MACROD2: variants seen among roughly 807,000 people sequenced by gnomAD.
The protein encoded by MACROD2 is ADP-ribose glycohydrolase MACROD2.
MACROD2 carries 36 observed loss-of-function variants against 70.4 expected under a neutral mutation model. The observed-to-expected ratio is 0.51, with a 90% CI of 0.39 to 0.68. The LOEUF (loss-of-function observed/expected upper bound fraction) is 0.68. Among genes scored for constraint, MACROD2 ranks in the 30% least tolerant of loss-of-function variants. MACROD2 has a pLI of 0.00. For missense variants in MACROD2, 496 were observed against 538.4 expected (o/e 0.92, Z 0.78); for synonymous variants, 172 against 178.8 (o/e 0.96, Z 0.30).
chr20:15,402,605 G>A (rs974477329), intron 6 of MACROD2, among the ~76,000 whole-genome samples: 5 of 152,148 alleles, frequency 3.3e-5, no homozygotes, highest in Non-Finnish European at 5.9e-5. Flanking sequence ...TATGTGAGCC[G>A]CCATGAGAAA....
intron 10 of MACROD2, among the ~76,000 whole-genome samples, chr20:15,929,248 G>C (rs1456905887): frequency 6.6e-6 from 1 of 152,076 alleles, no homozygotes; most frequent in Non-Finnish European, 1.5e-5. Flanking sequence ...AGAGCTACAG[G>C]GGCATCTTCT....
intron 5 of MACROD2, among the ~76,000 whole-genome samples, chr20:15,216,543 A>T (rs1601242358): frequency 6.6e-6 from 1 of 152,328 alleles, no homozygotes; most frequent in Admixed American, 6.5e-5. Context: ...ATTTTTAAAA[A>T]TTAGAAATTG....
At chr20:15,735,506 G>A (rs920662682) in intron 8 of MACROD2, among the ~76,000 whole-genome samples, 1 of 152,140 alleles carries the variant, frequency 6.6e-6, no homozygotes, top group Admixed American at 6.5e-5. Flanking sequence ...ACCTTCATGA[G>A]AAATCAGAAG....
At chr20:15,042,382 C>T (rs2075362955) in intron 5 of MACROD2, among the ~76,000 whole-genome samples, 1 of 152,200 alleles carries the variant, frequency 6.6e-6, no homozygotes, top group Non-Finnish European at 1.5e-5. Flanking sequence ...ATGTTCTCAT[C>T]TGTGTAATGC....
At chr20:14,503,528 A>G (rs2084936672) in intron 4 of MACROD2, among the ~76,000 whole-genome samples, 1 of 152,206 alleles carries the variant, frequency 6.6e-6, no homozygotes, top group African/African-American at 2.4e-5. Context: ...AGCTATGAAC[A>G]ACTGGGAGAG....
chr20:14,570,996 T>A (rs116459424), intron 4 of MACROD2, among the ~76,000 whole-genome samples: 1 of 152,196 alleles, frequency 6.6e-6, no homozygotes, highest in African/African-American at 2.4e-5. Flanking sequence ...GAAACTTTAC[T>A]TTAAGCACTT....
chr20:15,345,638 C>T (rs1388791699), intron 6 of MACROD2, among the ~76,000 whole-genome samples: 1 of 152,210 alleles, frequency 6.6e-6, no homozygotes, highest in African/African-American at 2.4e-5. Context: ...GCTTTGAGAA[C>T]TTTAAATGTG....
At chr20:14,744,153 T>G (rs1007184811) in intron 5 of MACROD2, among the ~76,000 whole-genome samples, 3 of 152,208 alleles carry the variant, frequency 2.0e-5, no homozygotes, top group African/African-American at 4.8e-5. Flanking sequence ...TGTTGAAATT[T>G]GTTACAGCAG....
At chr20:15,714,549 C>T (rs979244960) in intron 8 of MACROD2, among the ~76,000 whole-genome samples, 1 of 152,122 alleles carries the variant, frequency 6.6e-6, no homozygotes, top group South Asian at 2.1e-4. Flanking sequence ...TGGGTAGTTG[C>T]TTAACGAGAT....
chr20:14,110,033 C>G (rs1205682455), intron 3 of MACROD2, among the ~76,000 whole-genome samples: 1 of 151,674 alleles, frequency 6.6e-6, no homozygotes, highest in Non-Finnish European at 1.5e-5. Flanking sequence ...TTATCATGAC[C>G]AAGTGGGATT....
At chr20:15,688,988 A>G (rs2050263529) in intron 8 of MACROD2, among the ~76,000 whole-genome samples, 1 of 152,226 alleles carries the variant, frequency 6.6e-6, no homozygotes. Flanking sequence ...ATTTCGCTGG[A>G]TACTAGGAGG....
chr20:15,428,385 C>T (rs2046325536), intron 6 of MACROD2, among the ~76,000 whole-genome samples: 1 of 152,118 alleles, frequency 6.6e-6, no homozygotes, highest in South Asian at 2.1e-4. Context: ...GGCACATTGA[C>T]TATTTTGAGT....
chr20:15,557,454 A>AAC (rs1470823536), intron 8 of MACROD2, among the ~76,000 whole-genome samples: 1 of 152,204 alleles, frequency 6.6e-6, no homozygotes, highest in African/African-American at 2.4e-5. Context: ...AGAAACAGCA[A>AAC]ACACACACAC....
chr20:14,172,240 T>C (rs961922453), intron 3 of MACROD2, among the ~76,000 whole-genome samples: 5 of 151,842 alleles, frequency 3.3e-5, no homozygotes, highest in Non-Finnish European at 7.4e-5. Context: ...TTTTGTTAGG[T>C]GAGCCTCTGA....
intron 5 of MACROD2, among the ~76,000 whole-genome samples, chr20:14,920,101 A>G (rs2074143255): frequency 6.6e-6 from 1 of 152,158 alleles, no homozygotes; most frequent in Admixed American, 6.5e-5. Flanking sequence ...GCTGAGATAA[A>G]GTATATGAAT....
At chr20:15,266,500 G>A (rs1309089475) in intron 6 of MACROD2, among the ~76,000 whole-genome samples, 2 of 152,222 alleles carry the variant, frequency 1.3e-5, no homozygotes, top group Non-Finnish European at 2.9e-5. Flanking sequence ...GAGAAAGGAT[G>A]TGACTCCTTC....
intron 5 of MACROD2, among the ~76,000 whole-genome samples, chr20:15,084,419 C>T (rs2075731689): frequency 6.6e-6 from 1 of 152,108 alleles, no homozygotes; most frequent in Non-Finnish European, 1.5e-5. Context: ...CATGAGATCA[C>T]CATAGCCATG....
rs1167732797 is a variant in MACROD2, at chr20:15,525,284, G to A, written c.645+25437G>A. 2.0e-5 allele frequency among the ~76,000 whole-genome samples: 3 copies of A among 150,682 alleles called. No individual in the cohort carries two copies. The East Asian group carries it at 6.4e-4, about 32-fold the overall frequency. ...TTACTCTCCACTAGAATCCCACTAA[G>A]AGCCCCAAGGAAAGGGATCATGTGC... On this transcript the variant is annotated intron_variant, in intron 8 of 17. Coordinates refer to ENST00000684519, the MANE Select transcript of MACROD2 (RefSeq NM_001351661.2).
chr20:15,941,710 T>G (rs1192075599), intron 12 of MACROD2, among the ~76,000 whole-genome samples: 2 of 152,178 alleles, frequency 1.3e-5, no homozygotes, highest in Non-Finnish European at 2.9e-5. Flanking sequence ...GGCAGAACAT[T>G]TTTGCTGATC....
Sources: gnomAD v4.1 joint callset for allele counts (sites outside exome capture counted in the v4.1 genomes callset) on GRCh38, gnomAD v4.1.1 for gene constraint, MANE v1.5 for transcripts, NCBI Gene and HGNC (gene_info 2026-07-23, HGNC 2026-07-21) for gene names.